MEGF8: variants seen among roughly 807,000 people sequenced by gnomAD.
MEGF8 encodes multiple EGF like domains 8.
Under a neutral mutation model 302.9 loss-of-function variants are expected in MEGF8, and 156 were observed. The ratio of observed to expected loss-of-function variants is 0.52; its 90% CI spans 0.45 to 0.59. The LOEUF (loss-of-function observed/expected upper bound fraction) is 0.59. Ranked by LOEUF, MEGF8 falls within the 20% of genes least tolerant of loss-of-function variation. The probability of loss-of-function intolerance (pLI) is 0.00; values close to 1 mark genes in which losing one functional copy is unlikely to be tolerated. For missense variants in MEGF8, 3,345 were observed against 3,964.5 expected (o/e 0.84, Z 4.20); for synonymous variants, 1,621 against 1,660.5 (o/e 0.98, Z 0.58).
chr19:42,366,450 C>T (rs559996787), intron 35 of MEGF8, among the ~76,000 whole-genome samples: 32 of 152,300 alleles, frequency 2.1e-4, no homozygotes, highest in African/African-American at 7.5e-4. Flanking sequence ...CCACCTGCCT[C>T]GGCCTCCCAA....
Position 42,358,144 on chromosome 19 carries a change from G to A in MEGF8, c.5012G>A (p.Gly1671Asp). Residue 1671 changes from glycine (G) to aspartate (D), a missense_variant and splice_region_variant, in exon 29 of 42, where the codon GGT (glycine) becomes GAT (aspartate). Physicochemically the swap from Gly to Asp is moderately conservative, Grantham distance 94 (BLOSUM62 -1). Coordinates refer to ENST00000251268, the MANE Select transcript of MEGF8 (RefSeq NM_001271938.2). The surrounding 1 kb of genome is among the most constrained non-coding windows in gnomAD (Gnocchi z 4.4). ...AGCCTGTCACCCTGCCCCTCACCAG[G>A]TCTCTATGGTCACTCTGCTGTCTAC... is the stretch of plus-strand genomic sequence containing the variant. ...SGAQSGTPPT[G>D]LYGHSAVYHE... is the part of the protein sequence containing the mutation. The A allele has an allele frequency of 6.3e-7, 1 of 1,577,504 alleles. No homozygotes were observed. The highest frequency in any genetic ancestry group is 8.6e-7 in the Non-Finnish European group (1 of 1,163,108).
chr19:42,334,398 A>C (rs1215401899), intron 3 of MEGF8, among the ~76,000 whole-genome samples, 185 bp downstream of exon 3: 1 of 71,214 alleles, frequency 1.4e-5, no homozygotes, highest in Non-Finnish European at 2.8e-5. Context: ...ACCCCACCCC[A>C]CCTTCACCTG....
At chr19:42,349,843 C>A in intron 14 of MEGF8, 144 bp downstream of exon 14, 1 of 848,300 alleles carries the variant, frequency 1.2e-6, no homozygotes, top group Non-Finnish European at 1.8e-6. Context: ...AACTCTGGAC[C>A]TCCTCTTGAA....
chr19:42,342,493 C>A (rs539259765), intron 8 of MEGF8, among the ~76,000 whole-genome samples: 12 of 152,080 alleles, frequency 7.9e-5, no homozygotes, highest in African/African-American at 2.9e-4. Flanking sequence ...AAAAATTAGC[C>A]GGGCTTGGTG....
In MEGF8 at chr19:42,352,057, C is replaced by A; in HGVS notation, c.3102-151C>A. ...TTCTGTCTTCCAAAATTGTTTTTGT[C>A]TGCGACTTCTCCTGGTTTCTCTGTC... On this transcript the variant is annotated intron_variant, in intron 18 of 41. Transcript: ENST00000251268. The surrounding 1 kb of genome is among the most constrained non-coding windows in gnomAD (Gnocchi z 4.4). The A allele has an allele frequency of 9.1e-7, 1 of 1,098,988 alleles. No homozygotes were observed. Among genetic ancestry groups the A allele is most frequent in the Non-Finnish European group, 1.3e-6 (1 of 791,962 alleles). 68.1% of individuals were successfully genotyped at this position (1,098,988 alleles called of 1,614,324 possible).
Position 42,369,422 on chromosome 19 carries a change from C to A in MEGF8, c.6642-109C>A. On this transcript the variant is annotated intron_variant, in intron 37 of 41. Coordinates refer to ENST00000251268, the MANE Select transcript of MEGF8 (RefSeq NM_001271938.2). This position sits in a 1 kb window ranked among gnomAD's most constrained non-coding sequence, Gnocchi z 5.7. ...AAGAGAAGATAGCAACGGGACAGAGCAGGGATGAGCAACCAGTTGAGAAGA... is the reference window on the plus strand; with the variant it reads ...AAGAGAAGATAGCAACGGGACAGAGAAGGGATGAGCAACCAGTTGAGAAGA... 1 of 1,134,448 alleles carries A rather than the reference C, an allele frequency of 8.8e-7. No homozygotes were observed. The highest frequency in any genetic ancestry group is 1.3e-6 in the Non-Finnish European group (1 of 794,458). 70.3% of individuals were successfully genotyped at this position (1,134,448 alleles called of 1,614,324 possible).
At chr19:42,349,121 G>A (rs1453067440) in intron 13 of MEGF8, among the ~76,000 whole-genome samples, 6 of 152,054 alleles carry the variant, frequency 3.9e-5, no homozygotes, top group Admixed American at 1.3e-4. Flanking sequence ...GAAACATGGC[G>A]AGACATCATC....
At position 42,355,955 on chromosome 19, in the gene MEGF8, C is replaced by G. The variant is rs758127113; in HGVS notation, c.4342C>G (p.Leu1448Val). ...GGCTGGCCCACACTGCCGCATGGCTCTGTGTCCTGAGAACTGCAATGCCCA... is the reference window on the plus strand; with the variant it reads ...GGCTGGCCCACACTGCCGCATGGCTGTGTGTCCTGAGAACTGCAATGCCCA... Reference protein sequence around the residue: ...GWAGPHCRMALCPENCNAHTG... With the variant: ...GWAGPHCRMAVCPENCNAHTG... The change falls in exon 24 of 42, where the codon CTG (leucine) becomes GTG (valine). Residue 1448 changes from leucine to valine, a missense_variant. Leu to Val is a conservative substitution (Grantham distance 32). Coordinates refer to ENST00000251268, the MANE Select transcript of MEGF8 (RefSeq NM_001271938.2). 1 of 1,611,824 alleles carries G rather than the reference C, an allele frequency of 6.2e-7. No individual in the cohort carries two copies. Among genetic ancestry groups the G allele is most frequent in the South Asian group, 1.1e-5 (1 of 90,710 alleles).
rs1213127678 is a variant in MEGF8, at chr19:42,371,401, C to T, written c.7188C>T (p.Gly2396=). ...ADTCNEQDGT[G]CPCQNNTETG... is the part of the protein sequence containing the mutation. ...CATGTAACGAGCAGGATGGGACGGG[C>T]TGTCCATGTCAGAATAACACAGAGA... is the stretch of plus-strand genomic sequence containing the variant. The change falls in exon 41 of 42, where the codon GGC becomes GGT. Residue 2396 remains glycine (G), a synonymous_variant. Transcript: ENST00000251268. 4 of 1,613,934 alleles carry T rather than the reference C, an allele frequency of 2.5e-6. No individual in the cohort carries two copies. The highest frequency in any genetic ancestry group is 3.4e-6 in the Non-Finnish European group (4 of 1,179,876).
At position 42,336,353 on chromosome 19, in the gene MEGF8, G is replaced by T; in HGVS notation, c.1244+7G>T. The T allele has an allele frequency of 6.3e-7, 1 of 1,584,092 alleles. No homozygotes were observed. The highest frequency in any genetic ancestry group is 1.1e-5 in the South Asian group (1 of 87,698). ...ACCGGCCCTCCACTGCCCGGTAAGTGACCTGTCCCATAACCCATGCTCCAC... is the reference window on the plus strand; with the variant it reads ...ACCGGCCCTCCACTGCCCGGTAAGTTACCTGTCCCATAACCCATGCTCCAC... On this transcript the variant is annotated splice_region_variant and intron_variant, in intron 6 of 41. Transcript: ENST00000251268. This position sits in a 1 kb window ranked among gnomAD's most constrained non-coding sequence, Gnocchi z 4.8.
chr19:42,351,598 C>T lies in MEGF8; in HGVS notation c.2987+38C>T. The T allele has an allele frequency of 6.2e-7, 1 of 1,603,364 alleles. No homozygotes were observed. Among genetic ancestry groups the T allele is most frequent in the East Asian group, 2.3e-5 (1 of 44,188 alleles). On this transcript the variant is annotated intron_variant, in intron 17 of 41. Coordinates refer to ENST00000251268, the MANE Select transcript of MEGF8 (RefSeq NM_001271938.2). The surrounding 1 kb of genome is among the most constrained non-coding windows in gnomAD (Gnocchi z 5.6). ...GGGCAGGGCTAACAGAGGAAGATTC[C>T]CCACCGGCAAGGGGCTGGGGCTCTG...
chr19:42,370,742 C>A lies in MEGF8; in HGVS notation c.7047C>A (p.Ala2349=). The A allele has an allele frequency of 6.3e-7, 1 of 1,585,672 alleles. No individual in the cohort carries two copies. Among genetic ancestry groups the A allele is most frequent in the Non-Finnish European group, 8.6e-7 (1 of 1,166,178 alleles). Reference sequence around the variant, plus strand: ...CAGAGGGTCCTAGTGAAGACGAGGCCGTGTGCGTGAACTGCCAGAATAACA... The same window carrying A: ...CAGAGGGTCCTAGTGAAGACGAGGCAGTGTGCGTGAACTGCCAGAATAACA... ...WVTEGPSEDE[A]VCVNCQNNSY... is the part of the protein sequence containing the mutation. Residue 2349 remains alanine (A), a synonymous_variant, in exon 40 of 42, where the codon GCC becomes GCA. Transcript: ENST00000251268.
intron 35 of MEGF8, among the ~76,000 whole-genome samples, chr19:42,366,076 C>T (rs973712593): frequency 3.9e-5 from 6 of 151,962 alleles, no homozygotes; most frequent in South Asian, 2.1e-4. Context: ...AGTGAGACTC[C>T]GTCTAAAGAA....
At position 42,344,885 on chromosome 19, in the gene MEGF8, G is replaced by T. The variant is rs1600034293; in HGVS notation, c.2097+52G>T. Reference sequence around the variant, plus strand: ...GGGTGTTGATGATCCTGATCCTAGGGTTTGTTTTTTCTCAAATGCATCTTT... The same window carrying T: ...GGGTGTTGATGATCCTGATCCTAGGTTTTGTTTTTTCTCAAATGCATCTTT... On this transcript the variant is annotated intron_variant, in intron 12 of 41. Coordinates refer to ENST00000251268, the MANE Select transcript of MEGF8 (RefSeq NM_001271938.2). The surrounding 1 kb of genome is among the most constrained non-coding windows in gnomAD (Gnocchi z 4.5). 3 of 1,459,758 alleles carry T rather than the reference G, an allele frequency of 2.1e-6. No homozygotes were observed. The highest frequency in any genetic ancestry group is 3.0e-5 in the South Asian group (2 of 67,206). 90.4% of individuals were successfully genotyped at this position (1,459,758 alleles called of 1,614,324 possible). A position where few individuals can be genotyped will look rare whatever the true frequency, so the allele number is the denominator to read the frequency against.
In MEGF8 at chr19:42,358,268, C is replaced by T; in HGVS notation, c.5136C>T (p.Asp1712=). The change falls in exon 29 of 42, where the codon GAC becomes GAT. Residue 1712 remains aspartate (D), a synonymous_variant. Coordinates refer to ENST00000251268, the MANE Select transcript of MEGF8 (RefSeq NM_001271938.2). The surrounding 1 kb of genome is among the most constrained non-coding windows in gnomAD (Gnocchi z 4.4). ...SPELYSLHCP[D]RTWSLLAPSQ... is the part of the protein sequence containing the mutation. ...AGCTCTACTCCCTGCACTGTCCTGACCGCACCTGGAGTCTGCTGGCCCCTT... is the reference window on the plus strand; with the variant it reads ...AGCTCTACTCCCTGCACTGTCCTGATCGCACCTGGAGTCTGCTGGCCCCTT... The T allele has an allele frequency of 6.2e-7, 1 of 1,605,928 alleles. No individual in the cohort carries two copies. The highest frequency in any genetic ancestry group is 8.5e-7 in the Non-Finnish European group (1 of 1,176,602).
In MEGF8 at chr19:42,358,429, A is replaced by C; in HGVS notation, c.5175+122A>C. ...CTTCCCCTCCTTTCTATGTTCCCTA[A>C]CTAAGCGACACCCCCACATCTCCCC... On this transcript the variant is annotated intron_variant, in intron 29 of 41. Transcript: ENST00000251268. This position sits in a 1 kb window ranked among gnomAD's most constrained non-coding sequence, Gnocchi z 4.4. 1.6e-6 allele frequency: 2 copies of C among 1,218,214 alleles called. No individual in the cohort carries two copies. Among genetic ancestry groups the C allele is most frequent in the Non-Finnish European group, 2.2e-6 (2 of 897,756 alleles). The allele number at this position is 1,218,214 out of a possible 1,614,324, so 75.5% of individuals were successfully genotyped here.
Position 42,376,783 on chromosome 19 carries a change from A to G in MEGF8, c.*8A>G. ...ACCAGCATGTCCCTCTGACATGCCC[A>G]GGGTTCTCATCCACAGCAGCTGGGT... On this transcript the variant is annotated 3_prime_UTR_variant, in exon 42 of 42. Transcript: ENST00000251268. This position sits in a 1 kb window ranked among gnomAD's most constrained non-coding sequence, Gnocchi z 8.2. 1 of 1,436,042 alleles carries G rather than the reference A, an allele frequency of 7.0e-7. No individual in the cohort carries two copies. Among genetic ancestry groups the G allele is most frequent in the Non-Finnish European group, 9.1e-7 (1 of 1,097,766 alleles). 89.0% of individuals were successfully genotyped at this position (1,436,042 alleles called of 1,614,324 possible). A position where few individuals can be genotyped will look rare whatever the true frequency, so the allele number is the denominator to read the frequency against.
rs111842000 is a variant in MEGF8, at chr19:42,337,811, T to C, written c.1513+605T>C. Among the ~76,000 whole-genome samples, 779 of 149,468 alleles carry C rather than the reference T, an allele frequency of 5.2e-3. 12 individuals are homozygous for C. The highest frequency in any genetic ancestry group is 0.018 in the African/African-American group (736 of 40,458). ...GTGAGCCACCATGCCCGGCCTCTTT[T>C]CTTTTTTTTTGAGAGGGAGTCTCGC... On this transcript the variant is annotated intron_variant, in intron 8 of 41. Coordinates refer to ENST00000251268, the MANE Select transcript of MEGF8 (RefSeq NM_001271938.2).
Position 42,351,585 on chromosome 19 carries a change from CAG to C in MEGF8, c.2987+28_2987+29del, listed in dbSNP as rs765892962. The C allele has an allele frequency of 1.0e-5, 16 of 1,605,572 alleles. No homozygotes were observed. Among genetic ancestry groups the C allele is most frequent in the African/African-American group, 2.7e-5 (2 of 74,740 alleles). On this transcript the variant is annotated intron_variant, in intron 17 of 41. Transcript: ENST00000251268. The surrounding 1 kb of genome is among the most constrained non-coding windows in gnomAD (Gnocchi z 5.6). ...GGTATGGTCCCTGGGGCAGGGCTAA[CAG>C]AGGAAGATTCCCCACCGGCAAGGGG...
Sources: gnomAD v4.1 joint callset for allele counts (sites outside exome capture counted in the v4.1 genomes callset) on GRCh38, gnomAD v4.1.1 for gene constraint, Gnocchi (gnomAD v3.1) non-coding constraint, MANE v1.5 for transcripts, NCBI Gene and HGNC (gene_info 2026-07-23, HGNC 2026-07-21) for gene names.